CSMD1: variants seen among roughly 807,000 people sequenced by gnomAD.
CSMD1 encodes CUB and sushi domain-containing protein 1.
A neutral mutation model predicts 417.5 loss-of-function variants in CSMD1; 213 were observed. The ratio of observed to expected loss-of-function variants is 0.51; its 90% CI spans 0.46 to 0.57. The LOEUF is 0.57. Among genes scored for constraint, CSMD1 ranks in the 20% least tolerant of loss-of-function variants. CSMD1 has a pLI of 0.00. For missense variants in CSMD1, 6,923 were observed against 4,529.7 expected, an observed-to-expected ratio of 1.53 and a Z score of -15.17; for synonymous variants, 2,862 against 1,736.8, an observed-to-expected ratio of 1.65 and a Z score of -16.11.
intron 5 of CSMD1, among the ~76,000 whole-genome samples, chr8:3,978,957 T>C (rs1813647632): frequency 6.6e-6 from 1 of 152,168 alleles, no homozygotes; most frequent in South Asian, 2.1e-4. Context: ...GTTCCACTGT[T>C]TTTACACTGC....
At chr8:3,542,592 C>G (rs1798486607) in intron 10 of CSMD1, among the ~76,000 whole-genome samples, 1 of 152,166 alleles carries the variant, frequency 6.6e-6, no homozygotes, top group Non-Finnish European at 1.5e-5. Context: ...GTGCTGTGAG[C>G]AGGCCTGGCC....
At chr8:3,815,500 T>G (rs1433083933) in intron 5 of CSMD1, among the ~76,000 whole-genome samples, 1 of 151,928 alleles carries the variant, frequency 6.6e-6, no homozygotes, top group Non-Finnish European at 1.5e-5. Context: ...CAAAAATATG[T>G]GTAAGACTAT....
chr8:4,942,070 C>A (rs78847199), intron 1 of CSMD1, among the ~76,000 whole-genome samples: 2 of 152,180 alleles, frequency 1.3e-5, no homozygotes, highest in East Asian at 3.8e-4. Context: ...TTAAGAATCT[C>A]TCTTCACTTC....
At chr8:3,606,260 G>A (rs76593270) in intron 8 of CSMD1, among the ~76,000 whole-genome samples, 1 of 152,090 alleles carries the variant, frequency 6.6e-6, no homozygotes, top group African/African-American at 2.4e-5. Flanking sequence ...TAGGCAATTT[G>A]GTGGTTGTGC....
intron 28 of CSMD1, among the ~76,000 whole-genome samples, chr8:3,222,239 C>T (rs1435267302): frequency 6.6e-6 from 1 of 152,068 alleles, no homozygotes. Context: ...CACAAAACTG[C>T]CTTAAATATG....
At chr8:4,263,479 C>G (rs1347064795) in intron 3 of CSMD1, among the ~76,000 whole-genome samples, 4 of 152,136 alleles carry the variant, frequency 2.6e-5, no homozygotes, top group Non-Finnish European at 5.9e-5. Flanking sequence ...CCAAACTAGT[C>G]CAAATCCTGA....
chr8:3,542,866 G>C (rs937157692), intron 10 of CSMD1, among the ~76,000 whole-genome samples: 2 of 152,156 alleles, frequency 1.3e-5, no homozygotes, highest in African/African-American at 4.8e-5. Flanking sequence ...GCTTTCCCGT[G>C]TCCCTCAGCT....
intron 5 of CSMD1, among the ~76,000 whole-genome samples, chr8:3,809,482 C>T (rs984979914): frequency 6.6e-6 from 1 of 152,150 alleles, no homozygotes; most frequent in Non-Finnish European, 1.5e-5. Context: ...TACTGGGCTG[C>T]GTGATCCTTC....
At chr8:3,491,594 A>C (rs1490844419) in intron 11 of CSMD1, among the ~76,000 whole-genome samples, 1 of 152,176 alleles carries the variant, frequency 6.6e-6, no homozygotes, top group Non-Finnish European at 1.5e-5. Flanking sequence ...CAAAATGTCC[A>C]AGATTCGACG....
intron 3 of CSMD1, among the ~76,000 whole-genome samples, chr8:4,054,168 T>G (rs1053997675): frequency 1.3e-5 from 2 of 152,126 alleles, no homozygotes; most frequent in Admixed American, 6.6e-5. Flanking sequence ...ATTACCACCA[T>G]CAAGATTTCA....
intron 3 of CSMD1, among the ~76,000 whole-genome samples, chr8:4,135,616 C>T (rs1803382095): frequency 6.6e-6 from 1 of 151,934 alleles, no homozygotes. Context: ...TTAGTTTGCA[C>T]TGTTAATAGT....
intron 28 of CSMD1, 105 bp from the exon 29 acceptor site, chr8:3,219,547 T>A: frequency 2.4e-6 from 2 of 832,832 alleles, no homozygotes; most frequent in Non-Finnish European, 3.5e-6. Flanking sequence ...TTTTGTATAA[T>A]GATTTTTCAG....
intron 21 of CSMD1, among the ~76,000 whole-genome samples, chr8:3,355,623 A>G (rs962766310): frequency 6.6e-6 from 1 of 152,268 alleles, no homozygotes; most frequent in East Asian, 1.9e-4. Context: ...ACAGCACTGT[A>G]TGTGATGATA....
rs781214748 is a variant in CSMD1 at position 3,142,497 on chromosome 8, T to A, written c.6209A>T (p.Gln2070Leu). 1 of 1,613,952 alleles carries A rather than the reference T, an allele frequency of 6.2e-7. No homozygotes were observed. Among genetic ancestry groups the A allele is most frequent in the East Asian group, 2.2e-5 (1 of 44,880 alleles). ...AGCAAGTTTAAATCCTTGCCGGTTT[T>A]GCGAATGGTCACTATAAAAGTGGAT... is the stretch of plus-strand genomic sequence containing the variant. ...TLIHFYSDHS[Q>L]NRQGFKLAYQ... is the part of the protein sequence containing the mutation. The change falls in exon 41 of 70, where the codon CAA (glutamine) becomes CTA (leucine). Residue 2070 changes from glutamine (Q) to leucine (L), a missense_variant. Transcript: ENST00000635120.
chr8:3,606,877 A>AT (rs913290439), intron 8 of CSMD1, among the ~76,000 whole-genome samples: 3 of 151,608 alleles, frequency 2.0e-5, no homozygotes, highest in Admixed American at 6.6e-5. Context: ...CGCCCGGCAA[A>AT]TTTTTTTGTA....
At chr8:4,714,591 A>G (rs2725036) in intron 1 of CSMD1, among the ~76,000 whole-genome samples, 60,868 of 151,878 alleles carry the variant, frequency 0.4, 12,312 homozygotes, top group Non-Finnish European at 0.41. Flanking sequence ...GTTATTGAAT[A>G]ACACAGCTGA....
At chr8:4,540,989 A>C (rs7010832) in intron 2 of CSMD1, among the ~76,000 whole-genome samples, 23,522 of 152,186 alleles carry the variant, frequency 0.15, 1,861 homozygotes, top group South Asian at 0.2. Context: ...GGTCTGAAAC[A>C]TGAAAAGCTC....
chr8:3,080,147 G>A (rs970203451), intron 49 of CSMD1, among the ~76,000 whole-genome samples: 1 of 152,210 alleles, frequency 6.6e-6, no homozygotes, highest in African/African-American at 2.4e-5. Context: ...ACCAGACCTT[G>A]AAAGTAAATA....
At chr8:4,959,592 G>A (rs1050702644) in intron 1 of CSMD1, among the ~76,000 whole-genome samples, 4 of 152,234 alleles carry the variant, frequency 2.6e-5, no homozygotes, top group African/African-American at 9.6e-5. Flanking sequence ...TCTAACTGCT[G>A]TAGGCATTGA....
Sources: gnomAD v4.1 joint callset for allele counts (sites outside exome capture counted in the v4.1 genomes callset) on GRCh38, gnomAD v4.1.1 for gene constraint, MANE v1.5 for transcripts, NCBI Gene and HGNC (gene_info 2026-07-23, HGNC 2026-07-21) for gene names.